Variants in LARS2 observed in about 807,000 individuals in gnomAD.
LARS2 encodes the protein leucine--tRNA ligase, mitochondrial.
In LARS2, 81 loss-of-function variants were observed where a neutral mutation model predicts 116.6. That is an observed-to-expected ratio of 0.69 (90% CI 0.58 to 0.84). The LOEUF (loss-of-function observed/expected upper bound fraction) is 0.84. Among genes scored for constraint, LARS2 ranks in the 40% least tolerant of loss-of-function variants. The probability of loss-of-function intolerance (pLI) is 0.00; values close to 1 mark genes in which losing one functional copy is unlikely to be tolerated. For missense variants in LARS2, 968 were observed against 1,114.5 expected (o/e 0.87, Z 1.87); for synonymous variants, 396 against 407.2 (o/e 0.97, Z 0.33).
chr3:45,429,115 CT>C (rs1451466811), intron 6 of LARS2, among the ~76,000 whole-genome samples: 1 of 152,192 alleles, frequency 6.6e-6, no homozygotes, highest in Non-Finnish European at 1.5e-5. Flanking sequence ...GATAAGTCCC[CT>C]GCATTAGTTT....
chr3:45,416,966 C>T (rs1203529173), intron 4 of LARS2, among the ~76,000 whole-genome samples: 5 of 151,178 alleles, frequency 3.3e-5, no homozygotes, highest in East Asian at 2.0e-4. Flanking sequence ...CCCAGCTACT[C>T]GGGAGGCTGA....
At chr3:45,535,718 A>G (rs1394058986) in intron 20 of LARS2, among the ~76,000 whole-genome samples, 1 of 151,790 alleles carries the variant, frequency 6.6e-6, no homozygotes, top group African/African-American at 2.4e-5. Context: ...TGGTGGTTAC[A>G]TGAAACTACA....
chr3:45,420,370 A>G (rs1698495588), intron 6 of LARS2, among the ~76,000 whole-genome samples: 1 of 152,216 alleles, frequency 6.6e-6, no homozygotes, highest in Non-Finnish European at 1.5e-5. Context: ...GTTAGGTAAG[A>G]TGGACTGTTG....
intron 15 of LARS2, 78 bp downstream of exon 15, chr3:45,500,657 C>G (rs1700102664): frequency 1.0e-5 from 11 of 1,092,656 alleles, no homozygotes; most frequent in Non-Finnish European, 1.4e-5. Context: ...TCTTCTGAAG[C>G]AAGGTAAATG....
chr3:45,411,322 C>T (rs1265680192), intron 4 of LARS2, among the ~76,000 whole-genome samples: 1 of 152,202 alleles, frequency 6.6e-6, no homozygotes, highest in East Asian at 1.9e-4. Flanking sequence ...TCCCGACACC[C>T]CTAGTAGAGA....
At chr3:45,436,054 G>A (rs60999387) in intron 6 of LARS2, among the ~76,000 whole-genome samples, 3,009 of 152,056 alleles carry the variant, frequency 0.02, 70 homozygotes, top group African/African-American at 0.065. Context: ...TTTCTTGTCC[G>A]TGTCACGTAT....
intron 8 of LARS2, among the ~76,000 whole-genome samples, chr3:45,470,639 AT>A (rs1699506248): frequency 6.6e-6 from 1 of 152,320 alleles, no homozygotes; most frequent in South Asian, 2.1e-4. Flanking sequence ...TGGATAATTC[AT>A]TATCTTGGAT....
At position 45,458,972 on chromosome 3, in the gene LARS2, T is replaced by C. The variant is rs1699264103; in HGVS notation, c.750+86T>C. The stretch of plus-strand genomic sequence containing the variant: ...GCTTCTGGGTATGAGAGAGCCTCAC[T>C]GTTGGGGTTGAGCTCTAGGAAGGGC... On this transcript the variant is annotated intron_variant, in intron 8 of 21. Coordinates refer to ENST00000645846, the MANE Select transcript of LARS2 (RefSeq NM_015340.4). 14 of 1,383,868 alleles carry C rather than the reference T, an allele frequency of 1.0e-5. No individual in the cohort carries two copies. In the South Asian group the frequency reaches 1.6e-4, roughly 15 times the overall value. The allele number at this position is 1,383,868 out of a possible 1,614,324, so 85.7% of individuals were successfully genotyped here.
At chr3:45,470,172 T>A (rs910277580) in intron 8 of LARS2, among the ~76,000 whole-genome samples, 3 of 152,234 alleles carry the variant, frequency 2.0e-5, no homozygotes, top group Admixed American at 2.0e-4. Flanking sequence ...AATTCTCATT[T>A]GTGGTCATGT....
intron 18 of LARS2, among the ~76,000 whole-genome samples, chr3:45,519,490 CAAAAA>C (rs373279726): frequency 1.9e-5 from 2 of 105,894 alleles, no homozygotes; most frequent in African/African-American, 3.7e-5. Context: ...GTCTCCGTCT[CAAAAA>C]AAAAAAAAAA....
intron 19 of LARS2, 93 bp downstream of exon 19, chr3:45,520,389 C>T: frequency 2.4e-6 from 2 of 819,682 alleles, no homozygotes; most frequent in Non-Finnish European, 2.1e-6. Flanking sequence ...CAGAGAGCAC[C>T]CCCACTGTGT....
chr3:45,419,879 A>G, intron 6 of LARS2, 150 bp downstream of exon 6: 1 of 641,726 alleles, frequency 1.6e-6, no homozygotes, highest in Non-Finnish European at 2.8e-6. Context: ...AAGTATCCTG[A>G]GTGGATAATT....
chr3:45,448,956 A>G (rs1403676424), intron 7 of LARS2, among the ~76,000 whole-genome samples: 1 of 152,214 alleles, frequency 6.6e-6, no homozygotes, highest in South Asian at 2.1e-4. Context: ...TCCCAACACA[A>G]TAGAATACTT....
intron 15 of LARS2, among the ~76,000 whole-genome samples, chr3:45,512,103 A>G (rs536046884): frequency 1.3e-5 from 2 of 152,082 alleles, no homozygotes; most frequent in Middle Eastern, 6.8e-3. Context: ...CATCCTACCT[A>G]TCTTTATCTT....
At chr3:45,510,387 CTGG>C (rs1273846539) in intron 15 of LARS2, among the ~76,000 whole-genome samples, 1 of 152,022 alleles carries the variant, frequency 6.6e-6, no homozygotes, top group African/African-American at 2.4e-5. Flanking sequence ...GCACCCCAGC[CTGG>C]GTGACAGAAC....
At chr3:45,525,129 G>A (rs1700514386) in intron 20 of LARS2, among the ~76,000 whole-genome samples, 1 of 152,178 alleles carries the variant, frequency 6.6e-6, no homozygotes, top group African/African-American at 2.4e-5. Flanking sequence ...TCCTCAGGAG[G>A]AGCAGTGGTT....
chr3:45,415,918 GA>G (rs1344958194), intron 4 of LARS2, among the ~76,000 whole-genome samples: 19 of 149,168 alleles, frequency 1.3e-4, no homozygotes, highest in African/African-American at 4.6e-4. Flanking sequence ...GAGAGAGAGA[GA>G]GAGAGGCTAT....
intron 2 of LARS2, among the ~76,000 whole-genome samples, chr3:45,393,591 CAGAG>C (rs940961552): frequency 4.0e-5 from 6 of 151,400 alleles, no homozygotes; most frequent in African/African-American, 9.7e-5. Flanking sequence ...GAAAAAAAAA[CAGAG>C]AAAGAAAGAA....
intron 11 of LARS2, among the ~76,000 whole-genome samples, chr3:45,486,115 C>T (rs1699807923): frequency 6.6e-6 from 1 of 151,814 alleles, no homozygotes; most frequent in South Asian, 2.1e-4. Context: ...AATCCAATTT[C>T]AAGACTCATA....
Sources: allele counts gnomAD v4.1 joint callset (sites outside exome capture counted in the v4.1 genomes callset), GRCh38; gene constraint gnomAD v4.1.1; transcripts MANE v1.5; gene names NCBI Gene and HGNC (gene_info 2026-07-23, HGNC 2026-07-21).